Variants in MSRA observed in about 807,000 individuals in gnomAD.
MSRA encodes the protein mitochondrial peptide methionine sulfoxide reductase.
A neutral mutation model predicts 31.3 loss-of-function variants in MSRA; 54 were observed. The observed-to-expected ratio is 1.73, with a 90% CI of 1.39 to 2.17. MSRA has a LOEUF of 2.17. MSRA is among the 30% of genes most tolerant of loss of function. The pLI, the probability that MSRA is intolerant of heterozygous loss-of-function variation, is 0.00. For missense variants in MSRA, 507 were observed against 300.9 expected (o/e 1.69, Z -5.07); for synonymous variants, 169 against 116.5 (o/e 1.45, Z -2.90).
chr8:10,141,981 G>C (rs146186376), intron 1 of MSRA, among the ~76,000 whole-genome samples: 10 of 152,120 alleles, frequency 6.6e-5, no homozygotes, highest in South Asian at 2.1e-4. Context: ...GTTTGGAGAT[G>C]GAGTTTCGCA....
rs148638633 is a variant in MSRA, at chr8:10,389,011, C to G, written c.544-39137C>G. Among the ~76,000 whole-genome samples, 539 of 152,256 alleles carry G rather than the reference C, an allele frequency of 3.5e-3. 5 individuals carry two copies. The highest frequency in any genetic ancestry group is 0.012 in the African/African-American group (507 of 41,538). On this transcript the variant is annotated intron_variant, in intron 5 of 5. Transcript: ENST00000317173. ...AGAATCGCCTGTTGACATATTTATGCCTAGTGTTCCATTATTGGAACGCTA... is the reference window on the plus strand; with the variant it reads ...AGAATCGCCTGTTGACATATTTATGGCTAGTGTTCCATTATTGGAACGCTA...
chr8:10,224,474 C>A (rs1025660695), intron 2 of MSRA, among the ~76,000 whole-genome samples: 4 of 148,612 alleles, frequency 2.7e-5, no homozygotes, highest in Non-Finnish European at 6.0e-5. Flanking sequence ...ATTTAAACCA[C>A]AGCCTCAACT....
chr8:10,245,066 T>C, intron 2 of MSRA, 38 bp from the exon 3 acceptor site: 1 of 1,602,990 alleles, frequency 6.2e-7, no homozygotes, highest in East Asian at 2.2e-5. Flanking sequence ...TTGTTTTGAA[T>C]AATCAGTATC....
At position 10,428,434 on chromosome 8, in the gene MSRA, G is replaced by C. The variant is rs1809335936; in HGVS notation, c.*122G>C. 3 of 1,100,406 alleles carry C rather than the reference G, an allele frequency of 2.7e-6. No individual in the cohort carries two copies. The highest frequency in any genetic ancestry group is 1.6e-5 in the African/African-American group (1 of 63,204). 68.2% of individuals were successfully genotyped at this position (1,100,406 alleles called of 1,614,324 possible). On this transcript the variant is annotated 3_prime_UTR_variant, in exon 6 of 6. Coordinates refer to ENST00000317173, the MANE Select transcript of MSRA (RefSeq NM_012331.5). Reference sequence around the variant, plus strand: ...CACAAAGTACAAAGGAATTTATACAGATTGGGTTTACCGAAGTATAATCTA... The same window carrying C: ...CACAAAGTACAAAGGAATTTATACACATTGGGTTTACCGAAGTATAATCTA...
intron 5 of MSRA, among the ~76,000 whole-genome samples, chr8:10,368,216 G>A (rs1247931863): frequency 6.6e-6 from 1 of 152,208 alleles, no homozygotes; most frequent in African/African-American, 2.4e-5. Context: ...ATACTGTGAT[G>A]ATATATTTCT....
intron 3 of MSRA, among the ~76,000 whole-genome samples, chr8:10,252,899 G>T (rs952462008): frequency 1.3e-5 from 2 of 152,124 alleles, no homozygotes; most frequent in Admixed American, 1.3e-4. Context: ...ACTCTATGGG[G>T]GTTCTCTGGC....
chr8:10,403,180 C>T (rs150079135), intron 5 of MSRA, among the ~76,000 whole-genome samples: 13 of 152,328 alleles, frequency 8.5e-5, no homozygotes, highest in Non-Finnish European at 1.2e-4. Flanking sequence ...CCTCCAAATG[C>T]ACCAGAGAAG....
At chr8:10,298,399 T>C (rs1308729600) in intron 3 of MSRA, among the ~76,000 whole-genome samples, 7 of 152,136 alleles carry the variant, frequency 4.6e-5, no homozygotes, top group Non-Finnish European at 8.8e-5. Flanking sequence ...ATTCCACTTA[T>C]AGGAAGTCCC....
chr8:10,169,349 G>A (rs529774297), intron 1 of MSRA, among the ~76,000 whole-genome samples: 3 of 152,208 alleles, frequency 2.0e-5, no homozygotes, highest in African/African-American at 7.2e-5. Flanking sequence ...GTATTCAGCT[G>A]TGTGAGTATG....
chr8:10,138,742 T>G (rs1802473807), intron 1 of MSRA, among the ~76,000 whole-genome samples: 1 of 152,250 alleles, frequency 6.6e-6, no homozygotes, highest in African/African-American at 2.4e-5. Context: ...CAATTTTATC[T>G]GGGTAAAAGC....
intron 2 of MSRA, among the ~76,000 whole-genome samples, chr8:10,235,392 T>C (rs1426559786): frequency 1.3e-5 from 2 of 152,232 alleles, no homozygotes; most frequent in East Asian, 1.9e-4. Context: ...ATACGTGAGA[T>C]GTATCTAGAA....
At chr8:10,230,474 C>T (rs1314916345) in intron 2 of MSRA, among the ~76,000 whole-genome samples, 1 of 152,058 alleles carries the variant, frequency 6.6e-6, no homozygotes, top group Non-Finnish European at 1.5e-5. Flanking sequence ...TCAACAACTG[C>T]CCTCATTTTG....
At chr8:10,281,350 G>C (rs1417547299) in intron 3 of MSRA, among the ~76,000 whole-genome samples, 4 of 152,298 alleles carry the variant, frequency 2.6e-5, no homozygotes, top group Non-Finnish European at 1.5e-5. Context: ...ACAAAGTTTG[G>C]ATTATTTATC....
intron 2 of MSRA, among the ~76,000 whole-genome samples, chr8:10,225,596 A>G (rs919374281): frequency 6.6e-6 from 1 of 152,224 alleles, no homozygotes; most frequent in African/African-American, 2.4e-5. Context: ...GAGGAGCAAA[A>G]AGTCATAGAG....
chr8:10,170,627 T>G (rs2129046160), intron 1 of MSRA, among the ~76,000 whole-genome samples: 1 of 152,334 alleles, frequency 6.6e-6, no homozygotes, highest in African/African-American at 2.4e-5. Context: ...TTGTATTAGG[T>G]ATTGTAAGTC....
intron 1 of MSRA, among the ~76,000 whole-genome samples, chr8:10,099,884 C>A (rs978520647): frequency 6.6e-6 from 1 of 152,166 alleles, no homozygotes. Flanking sequence ...CCCAAAGCAT[C>A]CCATATTGTA....
chr8:10,372,646 C>T (rs996852432), intron 5 of MSRA, among the ~76,000 whole-genome samples: 1 of 152,088 alleles, frequency 6.6e-6, no homozygotes, highest in Non-Finnish European at 1.5e-5. Context: ...TTAGACAAAA[C>T]TAAGATATGA....
chr8:10,306,020 C>G (rs1417169352), intron 4 of MSRA, among the ~76,000 whole-genome samples: 1 of 152,208 alleles, frequency 6.6e-6, no homozygotes, highest in African/African-American at 2.4e-5. Flanking sequence ...GGCCTTCTTT[C>G]TTACTCATGG....
At chr8:10,173,515 G>A (rs1160968591) in intron 1 of MSRA, among the ~76,000 whole-genome samples, 1 of 152,302 alleles carries the variant, frequency 6.6e-6, no homozygotes, top group Non-Finnish European at 1.5e-5. Context: ...TGAAGGAATC[G>A]GCCTCCTCTG....
Sources: gnomAD v4.1 joint callset for allele counts (sites outside exome capture counted in the v4.1 genomes callset) on GRCh38, gnomAD v4.1.1 for gene constraint, MANE v1.5 for transcripts, NCBI Gene and HGNC (gene_info 2026-07-23, HGNC 2026-07-21) for gene names.